Variants in PCDHGA12 observed in about 807,000 individuals in gnomAD.
The protein encoded by PCDHGA12 is protocadherin gamma subfamily A, 12, also known as protocadherin gamma-A12.
Under a neutral mutation model 61.1 loss-of-function variants are expected in PCDHGA12, and 43 were observed. The observed-to-expected ratio is 0.70, with a 90% CI of 0.55 to 0.91. PCDHGA12 has a LOEUF of 0.91. Among genes scored for constraint, PCDHGA12 ranks in the 40% least tolerant of loss-of-function variants. The pLI is 0.00. For synonymous variants in PCDHGA12, 520 were observed against 542.9 expected (o/e 0.96, Z 0.59); for missense variants, 1,236 against 1,227.7 (o/e 1.01, Z -0.10).
In PCDHGA12 at chr5:141,485,979, C is replaced by G; in HGVS notation, c.2425-8828C>G. 1 of 1,614,182 alleles carries G rather than the reference C, an allele frequency of 6.2e-7. No individual in the cohort carries two copies. Among genetic ancestry groups the G allele is most frequent in the Non-Finnish European group, 8.5e-7 (1 of 1,180,022 alleles). On this transcript the variant is annotated intron_variant, in intron 1 of 3. Coordinates refer to ENST00000252085, the MANE Select transcript of PCDHGA12 (RefSeq NM_003735.3). The surrounding 1 kb of genome is among the most constrained non-coding windows in gnomAD (Gnocchi z 5.7). ...CTCATCCAGCTCAATGCCTCAGACC[C>G]GGACCTGGGTCCCAGTGGTAACGTC...
chr5:141,484,757 T>C (rs2099600412), intron 1 of PCDHGA12, among the ~76,000 whole-genome samples: 1 of 151,626 alleles, frequency 6.6e-6, no homozygotes, highest in East Asian at 1.9e-4. Flanking sequence ...AATGTATATA[T>C]ATATATATGT....
chr5:141,470,490 A>C (rs1193023083), intron 1 of PCDHGA12, among the ~76,000 whole-genome samples: 1 of 152,202 alleles, frequency 6.6e-6, no homozygotes, highest in African/African-American at 2.4e-5. Context: ...TCTGGGAATA[A>C]TATTAGGTAA....
At chr5:141,502,932 C>T (rs1039438031) in intron 2 of PCDHGA12, among the ~76,000 whole-genome samples, 2 of 143,766 alleles carry the variant, frequency 1.4e-5, no homozygotes, top group African/African-American at 5.3e-5. Context: ...CAACCTTCAC[C>T]TCCTGGGTTC....
chr5:141,485,242 C>A lies in PCDHGA12; in HGVS notation c.2425-9565C>A, dbSNP rs747029550. ...CTACCCTTTTGTTCCTCTTTTACCA[C>A]CTGGGTTACGTTTGTGGGCAGATCC... On this transcript the variant is annotated intron_variant, in intron 1 of 3. Transcript: ENST00000252085. This position sits in a 1 kb window ranked among gnomAD's most constrained non-coding sequence, Gnocchi z 5.7. 7.4e-5 allele frequency: 119 copies of A among 1,614,054 alleles called. No individual in the cohort carries two copies. The highest frequency in any genetic ancestry group is 3.3e-4 in the Middle Eastern group (2 of 6,084).
chr5:141,433,837 C>CAAA lies in PCDHGA12; in HGVS notation c.2424+670_2424+672dup, dbSNP rs56191208. The stretch of plus-strand genomic sequence containing the variant: ...GGGCAACAAGAGTGAAACTCTATCT[C>CAAA]AAAAAAAAAAAAAAAAAACTTTATC... On this transcript the variant is annotated intron_variant, in intron 1 of 3. Transcript: ENST00000252085. 4.3e-3 allele frequency among the ~76,000 whole-genome samples: 475 copies of CAAA among 111,672 alleles called. 6 individuals carry two copies. The highest frequency in any genetic ancestry group is 0.013 in the African/African-American group (431 of 32,292). The allele number at this position is 111,672 out of a possible 152,430, so 73.3% of individuals were successfully genotyped here.
chr5:141,440,997 A>G (rs1191545127), intron 1 of PCDHGA12: 1 of 152,178 alleles, frequency 6.6e-6, no homozygotes, highest in East Asian at 1.9e-4. Context: ...ACCCATATCT[A>G]GTTTGGCCTT....
In PCDHGA12 at chr5:141,485,076, G is replaced by A; in HGVS notation, c.2425-9731G>A. 2.1e-6 allele frequency: 2 copies of A among 944,586 alleles called. No homozygotes were observed. Among genetic ancestry groups the A allele is most frequent in the East Asian group, 2.4e-5 (1 of 41,508 alleles). The allele number at this position is 944,586 out of a possible 1,614,324, so 58.5% of individuals were successfully genotyped here. ...CCGAACCGCGCCAGAGCTGGCGCGG[G>A]GAAAGGGAGATAGGTGTCTCCAGCT... On this transcript the variant is annotated intron_variant, in intron 1 of 3. Coordinates refer to ENST00000252085, the MANE Select transcript of PCDHGA12 (RefSeq NM_003735.3). This position sits in a 1 kb window ranked among gnomAD's most constrained non-coding sequence, Gnocchi z 5.7.
At position 141,430,838 on chromosome 5, in the gene PCDHGA12, G is replaced by C. The variant is rs866767896; in HGVS notation, c.79G>C (p.Gly27Arg). Reference sequence around the variant, plus strand: ...CCTCCTGGGGACTCTGTGGGAGACCGGATGCACCCAGATACGCTATTCAGT... The same window carrying C: ...CCTCCTGGGGACTCTGTGGGAGACCCGATGCACCCAGATACGCTATTCAGT... ...GILLGTLWET[G>R]CTQIRYSVPE... The change falls in exon 1 of 4, where the codon GGA (glycine) becomes CGA (arginine). Residue 27 changes from glycine (G) to arginine (R), a missense_variant. Gly to Arg is a moderately radical substitution (Grantham distance 125). Transcript: ENST00000252085. The C allele has an allele frequency of 1.3e-6, 2 of 1,563,026 alleles. No individual in the cohort carries two copies. The highest frequency in any genetic ancestry group is 1.7e-4 in the Middle Eastern group (1 of 5,784).
At chr5:141,446,767 G>T (rs891355909) in intron 1 of PCDHGA12, among the ~76,000 whole-genome samples, 1 of 152,118 alleles carries the variant, frequency 6.6e-6, no homozygotes, top group African/African-American at 2.4e-5. Flanking sequence ...GCGCCCAGCC[G>T]GTTACCATTC....
chr5:141,475,049 A>G (rs553607902), intron 1 of PCDHGA12, among the ~76,000 whole-genome samples: 81 of 152,346 alleles, frequency 5.3e-4, no homozygotes, highest in African/African-American at 1.8e-3. Context: ...TGTATTTTCT[A>G]AAGATTTGTG....
intron 1 of PCDHGA12, among the ~76,000 whole-genome samples, chr5:141,449,674 TA>T (rs2154562752): frequency 6.6e-6 from 1 of 151,604 alleles, no homozygotes; most frequent in African/African-American, 2.4e-5. Context: ...AGTGTGTATG[TA>T]TATATGTTTG....
chr5:141,491,795 C>G lies in PCDHGA12; in HGVS notation c.2425-3012C>G. The G allele has an allele frequency of 6.6e-7, 1 of 1,511,694 alleles. No individual in the cohort carries two copies. The highest frequency in any genetic ancestry group is 8.8e-7 in the Non-Finnish European group (1 of 1,130,430). The allele number at this position is 1,511,694 out of a possible 1,614,324, so 93.6% of individuals were successfully genotyped here. On this transcript the variant is annotated intron_variant, in intron 1 of 3. Transcript: ENST00000252085. The surrounding 1 kb of genome is among the most constrained non-coding windows in gnomAD (Gnocchi z 6.9). ...GGATTGAACTTGCATCCACTCCTCT[C>G]CGGCCGGCTTGGTCGCTGGCTGCGC...
chr5:141,510,251 C>G (rs569804850), intron 3 of PCDHGA12, among the ~76,000 whole-genome samples: 1 of 144,724 alleles, frequency 6.9e-6, no homozygotes, highest in African/African-American at 2.6e-5. Flanking sequence ...CCAGGCTGGG[C>G]GACAGAGCAG....
chr5:141,475,653 G>T (rs982063429), intron 1 of PCDHGA12, among the ~76,000 whole-genome samples: 2 of 152,238 alleles, frequency 1.3e-5, no homozygotes, highest in African/African-American at 2.4e-5. Context: ...CAAAGAAAGT[G>T]ATTCAAATGT....
In PCDHGA12 at chr5:141,432,916, G is replaced by C; in HGVS notation, c.2157G>C (p.Trp719Cys). Reference protein sequence around the residue: ...ILLLALRLRRWHKSRLLQASG... With the variant: ...ILLLALRLRRCHKSRLLQASG... ...TGCTGGCGCTCAGGCTGCGGCGCTG[G>C]CACAAGTCACGCCTGCTGCAGGCTT... Residue 719 changes from tryptophan (W) to cysteine (C), a missense_variant, in exon 1 of 4, where the codon TGG (tryptophan) becomes TGC (cysteine). By Grantham distance (215) the Trp-to-Cys change is radical (BLOSUM62 -2). Coordinates refer to ENST00000252085, the MANE Select transcript of PCDHGA12 (RefSeq NM_003735.3). The surrounding 1 kb of genome is among the most constrained non-coding windows in gnomAD (Gnocchi z 6.0). 1 of 1,614,196 alleles carries C rather than the reference G, an allele frequency of 6.2e-7. No homozygotes were observed. The highest frequency in any genetic ancestry group is 8.5e-7 in the Non-Finnish European group (1 of 1,180,040).
At chr5:141,478,177 A>G (rs769503109) in intron 1 of PCDHGA12, 1 of 1,613,988 alleles carries the variant, frequency 6.2e-7, no homozygotes, top group South Asian at 1.1e-5. Context: ...GGGAGCAGAA[A>G]AAAAATCTCA....
At chr5:141,472,040 G>T (rs1431219928) in intron 1 of PCDHGA12, among the ~76,000 whole-genome samples, 4 of 152,018 alleles carry the variant, frequency 2.6e-5, no homozygotes, top group Non-Finnish European at 5.9e-5. Flanking sequence ...GCTGTGAAAA[G>T]ATTTTAAAAA....
At chr5:141,498,429 G>T (rs1595525351) in intron 2 of PCDHGA12, among the ~76,000 whole-genome samples, 1 of 152,290 alleles carries the variant, frequency 6.6e-6, no homozygotes, top group East Asian at 1.9e-4. Flanking sequence ...GGAGTGAGGG[G>T]ATGAAGAGGA....
In PCDHGA12 at chr5:141,432,452, C is replaced by T. The variant is rs780149710; in HGVS notation, c.1693C>T (p.Pro565Ser). 3.7e-6 allele frequency: 6 copies of T among 1,614,094 alleles called. No homozygotes were observed. The highest frequency in any genetic ancestry group is 1.6e-4 in the Middle Eastern group (1 of 6,082). Residue 565 changes from proline (P) to serine (S), a missense_variant, in exon 1 of 4, where the codon CCC becomes TCC. Pro to Ser is a moderately conservative substitution (Grantham distance 74). Coordinates refer to ENST00000252085, the MANE Select transcript of PCDHGA12 (RefSeq NM_003735.3). The surrounding 1 kb of genome is among the most constrained non-coding windows in gnomAD (Gnocchi z 6.0). ...CGACAATGCGCCCGAGATCCTGTACCCCGCCCTCCCCACGGACGGTTCCAC... is the reference window on the plus strand; with the variant it reads ...CGACAATGCGCCCGAGATCCTGTACTCCGCCCTCCCCACGGACGGTTCCAC... The part of the protein sequence containing the change: ...QNDNAPEILY[P>S]ALPTDGSTGV...
Sources: gnomAD v4.1 joint callset for allele counts (sites outside exome capture counted in the v4.1 genomes callset) on GRCh38, gnomAD v4.1.1 for gene constraint, Gnocchi (gnomAD v3.1) non-coding constraint, MANE v1.5 for transcripts, NCBI Gene and HGNC (gene_info 2026-07-23, HGNC 2026-07-21) for gene names.